ZNF559: variants seen among roughly 807,000 people sequenced by gnomAD.
ZNF559 encodes the protein zinc finger protein 559.
A neutral mutation model predicts 14.2 loss-of-function variants in ZNF559; 17 were observed. That is an observed-to-expected ratio of 1.20 (90% CI 0.82 to 1.80). The LOEUF is 1.80. Ranked by LOEUF, ZNF559 falls within the 40% of genes most tolerant of loss-of-function variation. The pLI, the probability that ZNF559 is intolerant of heterozygous loss-of-function variation, is 0.00. For missense variants in ZNF559, 740 were observed against 629.7 expected, an observed-to-expected ratio of 1.18 and a Z score of -1.88; for synonymous variants, 244 against 212.4, an observed-to-expected ratio of 1.15 and a Z score of -1.29.
chr19:9,335,135 CAA>C (rs59300029), intron 2 of ZNF559, among the ~76,000 whole-genome samples: 75,639 of 124,172 alleles, frequency 0.61, 20,783 homozygotes, highest in Middle Eastern at 0.67. Context: ...GACTCTGTCT[CAA>C]AAAAAAAAAA....
At chr19:9,331,745 T>C (rs959257530) in intron 2 of ZNF559, among the ~76,000 whole-genome samples, 2 of 152,214 alleles carry the variant, frequency 1.3e-5, no homozygotes, top group African/African-American at 4.8e-5. Flanking sequence ...GGATTTCTCT[T>C]CAAGGTATTT....
intron 4 of ZNF559, 131 bp from the exon 5 acceptor site, chr19:9,339,058 GAAGA>G: frequency 8.3e-7 from 1 of 1,201,388 alleles, no homozygotes. Context: ...AGACAGGGGA[GAAGA>G]AAGTGAGGAC....
In ZNF559 at chr19:9,341,852, T is replaced by A; in HGVS notation, c.401T>A (p.Phe134Tyr). ...AAAGCCTTCAGAAAACCCTCTATCT[T>A]TACTTTACACAAGAAAACTGATATC... ...CEKAFRKPSIFTLHKKTDIGE... is the reference protein window; with the variant it reads ...CEKAFRKPSIYTLHKKTDIGE... Residue 134 changes from phenylalanine (F) to tyrosine (Y), a missense_variant, in exon 7 of 7, where the codon TTT (phenylalanine) becomes TAT (tyrosine). Transcript: ENST00000603380. 1 of 1,610,228 alleles carries A rather than the reference T, an allele frequency of 6.2e-7. No homozygotes were observed. The highest frequency in any genetic ancestry group is 2.2e-5 in the East Asian group (1 of 44,846).
intron 3 of ZNF559, chr19:9,338,080 G>A: frequency 6.9e-7 from 1 of 1,443,180 alleles, no homozygotes; most frequent in Non-Finnish European, 9.4e-7. Context: ...AGCTTGTCTT[G>A]TGATTAGGGT....
At chr19:9,335,155 T>TAAAAAA (rs1568362673) in intron 2 of ZNF559, among the ~76,000 whole-genome samples, 3 of 138,284 alleles carry the variant, frequency 2.2e-5, no homozygotes, top group African/African-American at 8.4e-5. Context: ...AAAAAAAAAT[T>TAAAAAA]AGCTGGTCAT....
At chr19:9,337,520 A>G (rs908454097) in intron 2 of ZNF559, among the ~76,000 whole-genome samples, 10 of 152,186 alleles carry the variant, frequency 6.6e-5, no homozygotes, top group African/African-American at 2.4e-4. Flanking sequence ...GTTGGAGAAT[A>G]AGAAGAACCT....
rs1261463367 is a variant in ZNF559, at chr19:9,343,378, C to T, written c.*310C>T. 3.6e-6 allele frequency: 4 copies of T among 1,124,706 alleles called. No homozygotes were observed. The African/African-American group carries it at 4.8e-5, about 13-fold the overall frequency. The allele number at this position is 1,124,706 out of a possible 1,614,324, so 69.7% of individuals were successfully genotyped here. On this transcript the variant is annotated 3_prime_UTR_variant, in exon 7 of 7. Coordinates refer to ENST00000603380, the MANE Select transcript of ZNF559 (RefSeq NM_032497.3). ...TTTGAACTCATGCTGGAGAGAAATG[C>T]TATGAATGTGAGGAAGGTGGAAAAG... is the stretch of plus-strand genomic sequence containing the variant.
At position 9,341,695 on chromosome 19, in the gene ZNF559, G is replaced by A. The variant is rs983059611; in HGVS notation, c.244G>A (p.Glu82Lys). The A allele has an allele frequency of 1.9e-6, 3 of 1,598,122 alleles. No homozygotes were observed. Among genetic ancestry groups the A allele is most frequent in the Non-Finnish European group, 2.6e-6 (3 of 1,175,216 alleles). ...QGKTSSVVEM[E>K]RNHFGEELFD... Reference sequence around the variant, plus strand: ...AACCATCATTAATTTTCACCAACAGGAGAGAAACCATTTTGGAGAGGAACT... The same window carrying A: ...AACCATCATTAATTTTCACCAACAGAAGAGAAACCATTTTGGAGAGGAACT... Residue 82 changes from glutamate (E) to lysine (K), a missense_variant and splice_region_variant, in exon 7 of 7, where the codon GAG becomes AAG. Transcript: ENST00000603380.
At chr19:9,339,958 T>C (rs1159063565) in intron 5 of ZNF559, among the ~76,000 whole-genome samples, 1 of 99,186 alleles carries the variant, frequency 1.0e-5, no homozygotes, top group Admixed American at 1.0e-4. Context: ...TTTTTTTTTT[T>C]TGTATTTTTA....
Position 9,339,282 on chromosome 19 carries a change from T to G in ZNF559, c.123T>G (p.Asp41Glu), listed in dbSNP as rs757020820. The G allele has an allele frequency of 3.1e-6, 5 of 1,613,848 alleles. No homozygotes were observed. The Admixed American group carries it at 6.7e-5, about 22-fold the overall frequency. ...LDQTQRNLYR[D>E]VMLENYKNLV... Reference sequence around the variant, plus strand: ...AAACTCAGAGAAACTTATACAGAGATGTGATGCTGGAGAACTATAAGAATC... The same window carrying G: ...AAACTCAGAGAAACTTATACAGAGAGGTGATGCTGGAGAACTATAAGAATC... The change falls in exon 5 of 7, where the codon GAT becomes GAG. Residue 41 changes from aspartate (D) to glutamate (E), a missense_variant. By Grantham distance (45) the Asp-to-Glu change is conservative. Coordinates refer to ENST00000603380, the MANE Select transcript of ZNF559 (RefSeq NM_032497.3).
At chr19:9,326,559 T>G (rs1296230629) in intron 2 of ZNF559, among the ~76,000 whole-genome samples, 1 of 152,368 alleles carries the variant, frequency 6.6e-6, no homozygotes, top group African/African-American at 2.4e-5. Context: ...ACAGTGGTAC[T>G]GTCTAATACA....
In ZNF559 at chr19:9,343,101, A is replaced by G; in HGVS notation, c.*33A>G. On this transcript the variant is annotated 3_prime_UTR_variant, in exon 7 of 7. Coordinates refer to ENST00000603380, the MANE Select transcript of ZNF559 (RefSeq NM_032497.3). ...CTGATACTTGGAAAGAATGTGGTAA[A>G]GCCACTACTTCCTCACACTTACTGA... 1 of 1,580,096 alleles carries G rather than the reference A, an allele frequency of 6.3e-7. No homozygotes were observed. The highest frequency in any genetic ancestry group is 1.3e-5 in the African/African-American group (1 of 74,480).
chr19:9,341,012 A>G, intron 5 of ZNF559, 90 bp from the exon 6 acceptor site: 3 of 952,232 alleles, frequency 3.2e-6, no homozygotes, highest in Non-Finnish European at 4.8e-6. Context: ...AGTGTTTGAA[A>G]CTACAGTACA....
Position 9,342,161 on chromosome 19 carries a change from G to A in ZNF559, c.710G>A (p.Gly237Glu). 1 of 1,611,004 alleles carries A rather than the reference G, an allele frequency of 6.2e-7. No homozygotes were observed. The highest frequency in any genetic ancestry group is 8.5e-7 in the Non-Finnish European group (1 of 1,179,178). The change falls in exon 7 of 7, where the codon GGA becomes GAA. Residue 237 changes from glycine (G) to glutamate (E), a missense_variant. Transcript: ENST00000603380. Reference sequence around the variant, plus strand: ...TTTGTACACATGCAAACTCAAGATGGAGAAAAATTCTATGAATGTAAAGCA... The same window carrying A: ...TTTGTACACATGCAAACTCAAGATGAAGAAAAATTCTATGAATGTAAAGCA... The part of the protein sequence containing the change: ...ALFVHMQTQD[G>E]EKFYECKACG...
At position 9,339,302 on chromosome 19, in the gene ZNF559, A is replaced by G. The variant is rs1431289335; in HGVS notation, c.143A>G (p.Lys48Arg). The change falls in exon 5 of 7, where the codon AAG (lysine) becomes AGG (arginine). Residue 48 changes from lysine (K) to arginine (R), a missense_variant. Physicochemically the swap from Lys to Arg is conservative, Grantham distance 26 (BLOSUM62 2). Transcript: ENST00000603380. ...AGAGATGTGATGCTGGAGAACTATA[A>G]GAATCTAGTTGCAGTAGGTAAGGCT... ...LYRDVMLENY[K>R]NLVAVDWESH... 1 of 1,613,372 alleles carries G rather than the reference A, an allele frequency of 6.2e-7. No individual in the cohort carries two copies. Among genetic ancestry groups the G allele is most frequent in the Admixed American group, 1.7e-5 (1 of 59,914 alleles).
At chr19:9,341,216 C>A in intron 6 of ZNF559, 32 bp downstream of exon 6, 2 of 1,588,530 alleles carry the variant, frequency 1.3e-6, no homozygotes, top group South Asian at 2.2e-5. Flanking sequence ...TTATTGTCTT[C>A]CATGTTAGAG....
intron 2 of ZNF559, among the ~76,000 whole-genome samples, chr19:9,336,483 C>T (rs1386711846): frequency 6.6e-6 from 1 of 151,714 alleles, no homozygotes; most frequent in Non-Finnish European, 1.5e-5. Context: ...CCCAGCTACT[C>T]GGGAGGCTGA....
Position 9,343,124 on chromosome 19 carries a change from T to G in ZNF559, c.*56T>G. On this transcript the variant is annotated 3_prime_UTR_variant, in exon 7 of 7. Coordinates refer to ENST00000603380, the MANE Select transcript of ZNF559 (RefSeq NM_032497.3). Reference sequence around the variant, plus strand: ...AAAGCCACTACTTCCTCACACTTACTGAACATGTACTCATTCATAGTGGCA... The same window carrying G: ...AAAGCCACTACTTCCTCACACTTACGGAACATGTACTCATTCATAGTGGCA... 1 of 1,561,056 alleles carries G rather than the reference T, an allele frequency of 6.4e-7. No individual in the cohort carries two copies. Among genetic ancestry groups the G allele is most frequent in the Non-Finnish European group, 8.6e-7 (1 of 1,159,350 alleles).
chr19:9,324,417 G>C (rs2066449971), intron 1 of ZNF559, 189 bp downstream of exon 1: 1 of 1,445,308 alleles, frequency 6.9e-7, no homozygotes, highest in Non-Finnish European at 9.0e-7. Flanking sequence ...CTGTCCTCAG[G>C]GGTCGAGGCG....
Sources: gnomAD v4.1 joint callset for allele counts (sites outside exome capture counted in the v4.1 genomes callset) on GRCh38, gnomAD v4.1.1 for gene constraint, MANE v1.5 for transcripts, NCBI Gene and HGNC (gene_info 2026-07-23, HGNC 2026-07-21) for gene names.